Variants in GALNT10 observed in about 807,000 individuals in gnomAD.
The protein encoded by GALNT10 is polypeptide N-acetylgalactosaminyltransferase 10.
A neutral mutation model predicts 75.0 loss-of-function variants in GALNT10; 41 were observed. That is an observed-to-expected ratio of 0.55 (90% CI 0.43 to 0.71). The LOEUF is 0.71. GALNT10 is among the 30% of genes least tolerant of loss of function. GALNT10 has a pLI of 0.00. For missense variants in GALNT10, 727 were observed against 818.5 expected (o/e 0.89, Z 1.36); for synonymous variants, 302 against 313.0 (o/e 0.96, Z 0.37).
rs1414229945 is a variant in GALNT10 at position 154,190,757 on chromosome 5, A to G, written c.-110A>G. On this transcript the variant is annotated 5_prime_UTR_variant, in exon 1 of 12. Transcript: ENST00000297107. ...GGAGTTGGAGCGGGGCCGGCGCCGC[A>G]GCCGCTTCTGCTGGCTGAGCTGCTG... The G allele has an allele frequency of 5.4e-6, 2 of 368,662 alleles. No homozygotes were observed. The highest frequency in any genetic ancestry group is 7.4e-6 in the Non-Finnish European group (2 of 268,676). The allele number at this position is 368,662 out of a possible 1,614,324, so 22.8% of individuals were successfully genotyped here. A position where few individuals can be genotyped will look rare whatever the true frequency, so the allele number is the denominator to read the frequency against.
chr5:154,304,329 A>C (rs1754398917), intron 3 of GALNT10, among the ~76,000 whole-genome samples: 1 of 152,174 alleles, frequency 6.6e-6, no homozygotes, highest in Non-Finnish European at 1.5e-5. Context: ...TGTTATAATC[A>C]AATTACTAAA....
chr5:154,352,131 C>T lies in GALNT10; in HGVS notation c.568+22393C>T, dbSNP rs891153243. ...AAATACCCACTCTGTATCTGTTTAC[C>T]AGATACCTGAGTTTCTAGCATTGGC... On this transcript the variant is annotated intron_variant, in intron 4 of 11. Transcript: ENST00000297107. The surrounding 1 kb of genome is among the most constrained non-coding windows in gnomAD (Gnocchi z 4.4). 6.6e-6 allele frequency among the ~76,000 whole-genome samples: 1 copy of T among 152,208 alleles called. No homozygotes were observed. Among genetic ancestry groups the T allele is most frequent in the Non-Finnish European group, 1.5e-5 (1 of 68,032 alleles).
At chr5:154,287,942 GTGCA>G (rs1266790596) in intron 1 of GALNT10, among the ~76,000 whole-genome samples, 1 of 122,994 alleles carries the variant, frequency 8.1e-6, no homozygotes, top group African/African-American at 2.9e-5. Context: ...GTGCATGTGT[GTGCA>G]TGTGTGTGTG....
intron 7 of GALNT10, among the ~76,000 whole-genome samples, chr5:154,394,618 A>G (rs2113199476): frequency 6.6e-6 from 1 of 152,330 alleles, no homozygotes; most frequent in African/African-American, 2.4e-5. Flanking sequence ...CCCGTGTTCC[A>G]GGAAGGGCCC....
At chr5:154,368,360 A>G (rs566695173) in intron 4 of GALNT10, among the ~76,000 whole-genome samples, 19 of 152,290 alleles carry the variant, frequency 1.2e-4, no homozygotes, top group African/African-American at 4.3e-4. Flanking sequence ...TCTGCTTTCA[A>G]TGGTGCAAGA....
rs77265670 is a variant in GALNT10, at chr5:154,390,711, C to G, written c.1056+4281C>G. Among the ~76,000 whole-genome samples the G allele has an allele frequency of 9.4e-3, 1,430 of 152,254 alleles. 17 individuals are homozygous for G. The highest frequency in any genetic ancestry group is 0.014 in the South Asian group (69 of 4,822). On this transcript the variant is annotated intron_variant, in intron 7 of 11. Transcript: ENST00000297107. ...TGCTCTAGAAGACCCTCTTCAGAAC[C>G]CCCACCATGGAGAACAGTGAATGGA...
chr5:154,256,791 A>G (rs1326423768), intron 1 of GALNT10, among the ~76,000 whole-genome samples: 1 of 152,064 alleles, frequency 6.6e-6, no homozygotes, highest in Admixed American at 6.6e-5. Flanking sequence ...GCTTCAACAG[A>G]TGTCTCCCCA....
intron 1 of GALNT10, among the ~76,000 whole-genome samples, chr5:154,242,404 C>T (rs1489532203): frequency 6.6e-6 from 1 of 152,164 alleles, no homozygotes; most frequent in African/African-American, 2.4e-5. Flanking sequence ...AATTGCTGGT[C>T]TGAGCCTGGG....
At position 154,358,270 on chromosome 5, in the gene GALNT10, T is replaced by A. The variant is rs75866132; in HGVS notation, c.569-18007T>A. ...GGGACGTGTCTCTAGTAAATGCAAA[T>A]TGGGAAAGTGGGGTCTCCTTGGGGG... On this transcript the variant is annotated intron_variant, in intron 4 of 11. Transcript: ENST00000297107. 2.0e-3 allele frequency among the ~76,000 whole-genome samples: 297 copies of A among 152,070 alleles called. 1 individual carries two copies. Among genetic ancestry groups the A allele is most frequent in the African/African-American group, 6.7e-3 (279 of 41,442 alleles).
At chr5:154,362,811 T>C (rs1214247312) in intron 4 of GALNT10, among the ~76,000 whole-genome samples, 4 of 152,240 alleles carry the variant, frequency 2.6e-5, no homozygotes, top group Non-Finnish European at 1.5e-5. Flanking sequence ...GAGACAGCTC[T>C]TCTTATCAGA....
intron 5 of GALNT10, among the ~76,000 whole-genome samples, chr5:154,380,005 G>A (rs967052325): frequency 2.0e-5 from 3 of 152,176 alleles, no homozygotes; most frequent in Admixed American, 1.3e-4. Flanking sequence ...GCTTTGGGCC[G>A]TAAATCAAGC....
chr5:154,217,689 C>G (rs1210273165), intron 1 of GALNT10, among the ~76,000 whole-genome samples: 2 of 152,008 alleles, frequency 1.3e-5, no homozygotes, highest in Non-Finnish European at 1.5e-5. Context: ...TGGTGAGGGG[C>G]CCCTGCCCTC....
chr5:154,229,690 G>A (rs920686054), intron 1 of GALNT10, among the ~76,000 whole-genome samples: 7 of 151,944 alleles, frequency 4.6e-5, no homozygotes, highest in South Asian at 2.1e-4. Context: ...CCGAGAATGC[G>A]CCACTGTACT....
chr5:154,277,233 A>G (rs1032284076), intron 1 of GALNT10, among the ~76,000 whole-genome samples: 4 of 151,614 alleles, frequency 2.6e-5, no homozygotes, highest in Admixed American at 2.0e-4. Context: ...GCTGTCTAGG[A>G]TTACCTCAGT....
Position 154,296,184 on chromosome 5 carries a change from T to C in GALNT10, c.262+1266T>C, listed in dbSNP as rs1581960878. On this transcript the variant is annotated intron_variant, in intron 2 of 11. Transcript: ENST00000297107. ...TTAATGCAACCTCTACCTCCCAGGT[T>C]CAAATGATTCTCCTGCCTCAGCCTC... Among the ~76,000 whole-genome samples the C allele has an allele frequency of 2.0e-5, 3 of 152,320 alleles. No homozygotes were observed. In the East Asian group the frequency reaches 5.8e-4, roughly 29 times the overall value.
At chr5:154,348,905 G>C (rs149103) in intron 4 of GALNT10, among the ~76,000 whole-genome samples, 96,679 of 151,940 alleles carry the variant, frequency 0.64, 31,328 homozygotes, top group Admixed American at 0.74. Context: ...GTCACCTCCA[G>C]TGTGTCTGTC....
At position 154,219,830 on chromosome 5, in the gene GALNT10, T is replaced by TCACACACACACA. The variant is rs1160794970; in HGVS notation, c.159+28806_159+28807insACACACACACAC. ...CTCTCGCGCTCTCTCTCTCTCTCTC[T>TCACACACACACA]CTCTCTCTCACACACACACACACAC... is the stretch of plus-strand genomic sequence containing the variant. On this transcript the variant is annotated intron_variant, in intron 1 of 11. Coordinates refer to ENST00000297107, the MANE Select transcript of GALNT10 (RefSeq NM_198321.4). Among the ~76,000 whole-genome samples, 37 of 75,672 alleles carry TCACACACACACA rather than the reference T, an allele frequency of 4.9e-4. No homozygotes were observed. The East Asian group carries it at 9.4e-3, about 19-fold the overall frequency. 49.6% of individuals were successfully genotyped at this position (75,672 alleles called of 152,430 possible). A position where few individuals can be genotyped will look rare whatever the true frequency, so the allele number is the denominator to read the frequency against.
At chr5:154,372,031 T>G (rs1385374872) in intron 4 of GALNT10, among the ~76,000 whole-genome samples, 1 of 152,138 alleles carries the variant, frequency 6.6e-6, no homozygotes, top group Non-Finnish European at 1.5e-5. Context: ...CTATGGAAGG[T>G]TCATCATTCT....
intron 1 of GALNT10, among the ~76,000 whole-genome samples, chr5:154,202,870 T>C (rs2351229): frequency 0.77 from 117,694 of 151,928 alleles, 45,718 homozygotes; most frequent in Admixed American, 0.83. Context: ...CAGCCTGGGG[T>C]GTGCCTCTCT....
Sources: allele counts gnomAD v4.1 joint callset (sites outside exome capture counted in the v4.1 genomes callset), GRCh38; gene constraint gnomAD v4.1.1; non-coding constraint Gnocchi (gnomAD v3.1); transcripts MANE v1.5; gene names NCBI Gene and HGNC (gene_info 2026-07-23, HGNC 2026-07-21).